ZFYVE27: variants seen among roughly 807,000 people sequenced by gnomAD.
The protein encoded by ZFYVE27 is protrudin.
In ZFYVE27, 36 loss-of-function variants were observed where a neutral mutation model predicts 52.8. The ratio of observed to expected loss-of-function variants is 0.68; its 90% CI spans 0.52 to 0.90. ZFYVE27 has a LOEUF of 0.90. Ranked by LOEUF, ZFYVE27 falls within the 40% of genes least tolerant of loss-of-function variation. The probability of loss-of-function intolerance (pLI) is 0.00; values close to 1 mark genes in which losing one functional copy is unlikely to be tolerated. For synonymous variants in ZFYVE27, 223 were observed against 215.6 expected (o/e 1.03, Z -0.30); for missense variants, 450 against 527.2 (o/e 0.85, Z 1.43).
At chr10:97,749,430 G>A (rs2046341441) in intron 5 of ZFYVE27, 44 bp from the exon 6 acceptor site, 2 of 1,493,228 alleles carry the variant, frequency 1.3e-6, no homozygotes, top group Admixed American at 1.7e-5. Flanking sequence ...GTCTCCTTCT[G>A]CTGTTACGAA....
At chr10:97,751,879 C>G (rs1564827151) in intron 8 of ZFYVE27, among the ~76,000 whole-genome samples, 1 of 152,176 alleles carries the variant, frequency 6.6e-6, no homozygotes, top group Non-Finnish European at 1.5e-5. Flanking sequence ...GTTGCATGGC[C>G]AAGTGCTAGG....
At chr10:97,742,350 A>C (rs1433562351) in intron 2 of ZFYVE27, among the ~76,000 whole-genome samples, 3 of 152,042 alleles carry the variant, frequency 2.0e-5, no homozygotes, top group Admixed American at 1.3e-4. Flanking sequence ...GTTCTCAGCA[A>C]TCTGAGTCTC....
chr10:97,737,510 G>T (rs1000143813), intron 1 of ZFYVE27, among the ~76,000 whole-genome samples, 189 bp downstream of exon 1: 2 of 152,256 alleles, frequency 1.3e-5, no homozygotes, highest in Non-Finnish European at 2.9e-5. Flanking sequence ...TGCGGGCGTC[G>T]ATATACCTCG....
intron 10 of ZFYVE27, 71 bp from the exon 11 acceptor site, chr10:97,757,194 A>G (rs1018964901): frequency 1.2e-6 from 2 of 1,607,932 alleles, no homozygotes; most frequent in Non-Finnish European, 1.7e-6. Context: ...TCCCATTTAG[A>G]AGCGCCAGGA....
chr10:97,750,467 G>A lies in ZFYVE27; in HGVS notation c.801G>A (p.Thr267=), dbSNP rs571727150. 1.3e-5 allele frequency: 21 copies of A among 1,613,932 alleles called. No individual in the cohort carries two copies. The East Asian group carries it at 1.8e-4, about 14-fold the overall frequency. ...ACAGCACGCCTGCCCTCACACCCACGGAGGTAAGTGCCACTGTCAGGGCAG... is the reference window on the plus strand; with the variant it reads ...ACAGCACGCCTGCCCTCACACCCACAGAGGTAAGTGCCACTGTCAGGGCAG... ...LMDSTPALTP[T]EDLTPGSVEE... is the part of the protein sequence containing the mutation. The change falls in exon 7 of 13, where the codon ACG becomes ACA. Residue 267 remains threonine, a synonymous_variant. Transcript: ENST00000684270.
In ZFYVE27 at chr10:97,753,325, C is replaced by T. The variant is rs567811097; in HGVS notation, c.1042+143C>T. ...CAAGAGCAGGGAGTGAAGGTGTGTC[C>T]GCGGGACCCCGGGGAGCTAGCAGAT... is the stretch of plus-strand genomic sequence containing the variant. On this transcript the variant is annotated intron_variant, in intron 10 of 12. Coordinates refer to ENST00000684270, the MANE Select transcript of ZFYVE27 (RefSeq NM_001385875.1). 8.8e-5 allele frequency: 115 copies of T among 1,314,136 alleles called. 1 individual carries two copies. The East Asian group carries it at 2.3e-3, about 26-fold the overall frequency. 81.4% of individuals were successfully genotyped at this position (1,314,136 alleles called of 1,614,324 possible). A position where few individuals can be genotyped will look rare whatever the true frequency, so the allele number is the denominator to read the frequency against.
intron 4 of ZFYVE27, among the ~76,000 whole-genome samples, chr10:97,745,232 A>G (rs1400535393): frequency 4.6e-5 from 7 of 151,302 alleles, no homozygotes; most frequent in Non-Finnish European, 8.8e-5. Context: ...GCTGGAGTGC[A>G]GTGACGCAAT....
chr10:97,758,939 G>C (rs934285684), intron 12 of ZFYVE27, among the ~76,000 whole-genome samples: 2 of 152,152 alleles, frequency 1.3e-5, no homozygotes, highest in African/African-American at 4.8e-5. Context: ...GCATCACCAT[G>C]CCTGGCTAAT....
At chr10:97,749,419 C>T (rs755650221) in intron 5 of ZFYVE27, 55 bp from the exon 6 acceptor site, 44 of 1,393,526 alleles carry the variant, frequency 3.2e-5, no homozygotes, top group Non-Finnish European at 4.1e-5. Context: ...GCTCCAAACC[C>T]GTCTCCTTCT....
chr10:97,757,328 G>T lies in ZFYVE27; in HGVS notation c.1089+17G>T. The stretch of plus-strand genomic sequence containing the variant: ...AAGAAGAGGGTGAGTGTCTGTGAGG[G>T]TGCATTTGTTGGGGACAGTGTCCTT... On this transcript the variant is annotated intron_variant, in intron 11 of 12. Coordinates refer to ENST00000684270, the MANE Select transcript of ZFYVE27 (RefSeq NM_001385875.1). 1.2e-6 allele frequency: 2 copies of T among 1,614,166 alleles called. No homozygotes were observed. Among genetic ancestry groups the T allele is most frequent in the East Asian group, 2.2e-5 (1 of 44,884 alleles).
intron 8 of ZFYVE27, among the ~76,000 whole-genome samples, chr10:97,751,733 A>G (rs1156406374): frequency 6.6e-6 from 1 of 152,072 alleles, no homozygotes. Context: ...CCTTTGCTGG[A>G]GACCGTGGGC....
At position 97,750,403 on chromosome 10, in the gene ZFYVE27, C is replaced by G; in HGVS notation, c.737C>G (p.Pro246Arg). The G allele has an allele frequency of 1.2e-6, 2 of 1,614,150 alleles. No individual in the cohort carries two copies. Among genetic ancestry groups the G allele is most frequent in the East Asian group, 4.5e-5 (2 of 44,864 alleles). The change falls in exon 7 of 13, where the codon CCT (proline) becomes CGT (arginine). Residue 246 changes from proline to arginine, a missense_variant. Transcript: ENST00000684270. ...CAGGAAGAGCATGCCTTTGAGAGTC[C>G]TCCACCACCAGATGTTGGGGGGAAG... Reference protein sequence around the residue: ...PKQEEHAFESPPPPDVGGKDG... With the variant: ...PKQEEHAFESRPPPDVGGKDG...
intron 10 of ZFYVE27, chr10:97,754,873 C>G (rs1427511135): frequency 7.9e-7 from 1 of 1,262,104 alleles, no homozygotes; most frequent in Non-Finnish European, 1.0e-6. Context: ...TTAGCTGTTC[C>G]CATTTTACAG....
At position 97,748,169 on chromosome 10, in the gene ZFYVE27, A is replaced by C. The variant is rs557876381; in HGVS notation, c.456-100A>C. On this transcript the variant is annotated intron_variant, in intron 4 of 12. Coordinates refer to ENST00000684270, the MANE Select transcript of ZFYVE27 (RefSeq NM_001385875.1). ...TTTAAGCACATGGTGAGTGTGTTTA[A>C]AGAGATTGACCATCCCTAGCCAACT... 1.4e-5 allele frequency: 16 copies of C among 1,105,266 alleles called. No homozygotes were observed. In the African/African-American group the frequency reaches 2.1e-4, roughly 15 times the overall value. 68.5% of individuals were successfully genotyped at this position (1,105,266 alleles called of 1,614,324 possible). A position where few individuals can be genotyped will look rare whatever the true frequency, so the allele number is the denominator to read the frequency against.
intron 2 of ZFYVE27, among the ~76,000 whole-genome samples, chr10:97,740,550 C>G (rs1359927125): frequency 2.0e-5 from 3 of 152,228 alleles, no homozygotes; most frequent in Admixed American, 2.0e-4. Context: ...TTTTCCTCTA[C>G]TAGTCCGTAG....
At chr10:97,737,823 C>A (rs558458839) in intron 1 of ZFYVE27, among the ~76,000 whole-genome samples, 1 of 152,252 alleles carries the variant, frequency 6.6e-6, no homozygotes, top group Non-Finnish European at 1.5e-5. Flanking sequence ...CAGAGATGGC[C>A]CAGGAAGTTG....
intron 10 of ZFYVE27, among the ~76,000 whole-genome samples, chr10:97,754,294 C>T (rs540860934): frequency 6.7e-6 from 1 of 150,038 alleles, no homozygotes; most frequent in Non-Finnish European, 1.5e-5. Flanking sequence ...TGTGAATGTC[C>T]CCCAGTTATT....
chr10:97,738,872 T>G, intron 2 of ZFYVE27, 198 bp downstream of exon 2: 1 of 622,018 alleles, frequency 1.6e-6, no homozygotes, highest in Admixed American at 2.6e-5. Flanking sequence ...AGGCAGATAC[T>G]GGGAATGATC....
intron 4 of ZFYVE27, among the ~76,000 whole-genome samples, chr10:97,745,932 C>T (rs1399193642): frequency 1.3e-5 from 2 of 151,684 alleles, no homozygotes; most frequent in Non-Finnish European, 1.5e-5. Context: ...GGCCTCACCC[C>T]AGAAATTCCG....
Sources: allele counts gnomAD v4.1 joint callset (sites outside exome capture counted in the v4.1 genomes callset), GRCh38; gene constraint gnomAD v4.1.1; transcripts MANE v1.5; gene names NCBI Gene and HGNC (gene_info 2026-07-23, HGNC 2026-07-21).